LVRN: variants seen among roughly 807,000 people sequenced by gnomAD.
LVRN encodes the protein laeverin.
A neutral mutation model predicts 111.4 loss-of-function variants in LVRN; 99 were observed. The observed-to-expected ratio is 0.89, with a 90% CI of 0.76 to 1.05. The LOEUF is 1.05. Ranked by LOEUF, LVRN falls within the 50% of genes least tolerant of loss-of-function variation. The pLI, the probability that LVRN is intolerant of heterozygous loss-of-function variation, is 0.00. For synonymous variants in LVRN, 488 were observed against 449.5 expected (o/e 1.09, Z -1.08); for missense variants, 1,414 against 1,206.8 (o/e 1.17, Z -2.54).
chr5:115,985,647 A>T (rs1036536175), intron 3 of LVRN, among the ~76,000 whole-genome samples: 1 of 152,232 alleles, frequency 6.6e-6, no homozygotes, highest in Non-Finnish European at 1.5e-5. Flanking sequence ...ACCTATCCAG[A>T]AGCTGAACTG....
At chr5:116,007,898 T>C (rs1380817160) in intron 13 of LVRN, among the ~76,000 whole-genome samples, 3 of 152,210 alleles carry the variant, frequency 2.0e-5, no homozygotes, top group African/African-American at 7.2e-5. Flanking sequence ...TTGATGATGT[T>C]ATGACTGTAA....
At chr5:116,015,864 A>T in intron 18 of LVRN, 99 bp downstream of exon 18, 1 of 1,442,286 alleles carries the variant, frequency 6.9e-7, no homozygotes, top group South Asian at 1.5e-5. Flanking sequence ...TAGTCTAGCT[A>T]GGCCACAAAC....
At chr5:116,009,622 C>T (rs1015743590) in intron 13 of LVRN, among the ~76,000 whole-genome samples, 2 of 152,036 alleles carry the variant, frequency 1.3e-5, no homozygotes, top group African/African-American at 4.8e-5. Context: ...AGTTTTCAAT[C>T]CTCATTGGTG....
chr5:116,026,071 A>G lies in LVRN; in HGVS notation c.2926A>G (p.Lys976Glu). ...AATAAAGAATGAAAATCTGAAAAACAAGAAGCTAAGTGCCAGGATAGCTGC... is the reference window on the plus strand; with the variant it reads ...AATAAAGAATGAAAATCTGAAAAACGAGAAGCTAAGTGCCAGGATAGCTGC... The part of the protein sequence containing the change: ...QTIKNENLKN[K>E]KLSARIAAWL... The change falls in exon 20 of 20, where the codon AAG (lysine) becomes GAG (glutamate). Residue 976 changes from lysine to glutamate, a missense_variant. Coordinates refer to ENST00000357872, the MANE Select transcript of LVRN (RefSeq NM_173800.5). The G allele has an allele frequency of 1.2e-6, 2 of 1,613,958 alleles. No homozygotes were observed. The highest frequency in any genetic ancestry group is 1.7e-6 in the Non-Finnish European group (2 of 1,179,874).
At chr5:115,975,975 A>T in intron 1 of LVRN, 1 of 162,680 alleles carries the variant, frequency 6.1e-6, no homozygotes, top group East Asian at 1.9e-4. Flanking sequence ...ATGATTCCAG[A>T]TGTCCTTTTC....
At chr5:116,015,446 G>T (rs1748582293) in intron 17 of LVRN, 27 bp downstream of exon 17, 1 of 1,520,034 alleles carries the variant, frequency 6.6e-7, no homozygotes, top group Non-Finnish European at 8.8e-7. Context: ...TACCTTGAAA[G>T]TTTCTGTTAT....
rs540795290 is a variant in LVRN at position 115,999,335 on chromosome 5, T to C, written c.1375-427T>C. Among the ~76,000 whole-genome samples the C allele has an allele frequency of 3.3e-5, 5 of 152,190 alleles. No individual in the cohort carries two copies. The South Asian group carries it at 1.0e-3, about 32-fold the overall frequency. Reference sequence around the variant, plus strand: ...TTATTACATCAGCATCTTTGTGAGTTTGTAGATCTGGCATGCTTTTGGTTT... The same window carrying C: ...TTATTACATCAGCATCTTTGTGAGTCTGTAGATCTGGCATGCTTTTGGTTT... On this transcript the variant is annotated intron_variant, in intron 6 of 19. Coordinates refer to ENST00000357872, the MANE Select transcript of LVRN (RefSeq NM_173800.5).
rs1220481993 is a variant in LVRN, at chr5:116,026,923, T to C, written c.*805T>C. The C allele has an allele frequency of 6.6e-6, 1 of 152,176 alleles. No homozygotes were observed. The highest frequency in any genetic ancestry group is 1.9e-4 in the East Asian group (1 of 5,200). 9.4% of individuals were successfully genotyped at this position (152,176 alleles called of 1,614,324 possible). A position where few individuals can be genotyped will look rare whatever the true frequency, so the allele number is the denominator to read the frequency against. ...AGCCTAAGCGTACGAGTGAAAACAA[T>C]GATGTCAAAAGACAATAGCAAGTAT... is the stretch of plus-strand genomic sequence containing the variant. On this transcript the variant is annotated 3_prime_UTR_variant, in exon 20 of 20. Coordinates refer to ENST00000357872, the MANE Select transcript of LVRN (RefSeq NM_173800.5).
chr5:115,966,597 C>T (rs1166528047), intron 1 of LVRN, among the ~76,000 whole-genome samples: 1 of 152,214 alleles, frequency 6.6e-6, no homozygotes, highest in Non-Finnish European at 1.5e-5. Context: ...ATCCTCCTAC[C>T]TTTGCCTCCC....
At chr5:115,985,826 T>C (rs996787598) in intron 3 of LVRN, among the ~76,000 whole-genome samples, 4 of 152,232 alleles carry the variant, frequency 2.6e-5, no homozygotes, top group Admixed American at 6.5e-5. Context: ...CTCCCTATTA[T>C]AGCGGGCCTT....
chr5:116,008,338 C>G (rs1332347411), intron 13 of LVRN, among the ~76,000 whole-genome samples: 1 of 151,770 alleles, frequency 6.6e-6, no homozygotes, highest in Admixed American at 6.6e-5. Context: ...AGCGAGACTC[C>G]GTCTAAAAAA....
intron 1 of LVRN, among the ~76,000 whole-genome samples, chr5:115,981,703 C>G (rs1490613209): frequency 6.6e-6 from 1 of 152,074 alleles, no homozygotes; most frequent in Non-Finnish European, 1.5e-5. Context: ...TCTTTTGGAA[C>G]CCATTAACCA....
chr5:116,003,357 C>A lies in LVRN; in HGVS notation c.2014C>A (p.Gln672Lys). The A allele has an allele frequency of 6.8e-7, 1 of 1,478,172 alleles. No homozygotes were observed. The highest frequency in any genetic ancestry group is 9.2e-7 in the Non-Finnish European group (1 of 1,089,852). The allele number at this position is 1,478,172 out of a possible 1,614,324, so 91.6% of individuals were successfully genotyped here. A position where few individuals can be genotyped will look rare whatever the true frequency, so the allele number is the denominator to read the frequency against. ...YDKLGWKKLN[Q>K]QLEKDPKAIP... ...TAAATTAGGTTGGAAGAAACTAAAT[C>A]AACAACTTGAAAAGGATCCTAAGGT... The change falls in exon 12 of 20, where the codon CAA becomes AAA. Residue 672 changes from glutamine (Q) to lysine (K), a missense_variant. Gln to Lys is a moderately conservative substitution (Grantham distance 53). Coordinates refer to ENST00000357872, the MANE Select transcript of LVRN (RefSeq NM_173800.5).
intron 1 of LVRN, among the ~76,000 whole-genome samples, chr5:115,973,790 T>C (rs1031945462): frequency 1.3e-5 from 2 of 152,204 alleles, no homozygotes; most frequent in African/African-American, 2.4e-5. Flanking sequence ...TCTTCTCTCT[T>C]TGGGAGCTGG....
chr5:115,969,161 G>A (rs10463450), intron 1 of LVRN, among the ~76,000 whole-genome samples: 20,533 of 152,188 alleles, frequency 0.13, 2,188 homozygotes, highest in East Asian at 0.48. Context: ...CATGTCTTAA[G>A]GAAATAAAAG....
intron 15 of LVRN, among the ~76,000 whole-genome samples, chr5:116,013,648 G>A (rs1185172209): frequency 6.6e-6 from 1 of 152,120 alleles, no homozygotes; most frequent in African/African-American, 2.4e-5. Flanking sequence ...TTATCAGAAG[G>A]TCAGGCCAGG....
intron 10 of LVRN, among the ~76,000 whole-genome samples, chr5:116,002,214 G>A (rs1387517914): frequency 6.6e-6 from 1 of 152,170 alleles, no homozygotes; most frequent in Non-Finnish European, 1.5e-5. Flanking sequence ...CAAGACACCA[G>A]GCTTGTGGGA....
intron 4 of LVRN, among the ~76,000 whole-genome samples, chr5:115,991,609 A>C (rs868579546): frequency 1.3e-5 from 2 of 152,156 alleles, no homozygotes; most frequent in Admixed American, 1.3e-4. Context: ...TGACTGTACC[A>C]TTTTGCATCC....
intron 4 of LVRN, among the ~76,000 whole-genome samples, chr5:115,990,870 C>T (rs2112582366): frequency 6.6e-6 from 1 of 152,224 alleles, no homozygotes; most frequent in Admixed American, 6.5e-5. Context: ...CCATGCCTGG[C>T]TAAAATGTTT....
Sources: gnomAD v4.1 joint callset for allele counts (sites outside exome capture counted in the v4.1 genomes callset) on GRCh38, gnomAD v4.1.1 for gene constraint, MANE v1.5 for transcripts, NCBI Gene and HGNC (gene_info 2026-07-23, HGNC 2026-07-21) for gene names.